The following OSBPL10 variants were observed in gnomAD, a reference collection of about 807,000 sequenced individuals.
OSBPL10 encodes the protein oxysterol-binding protein-related protein 10.
A neutral mutation model predicts 81.7 loss-of-function variants in OSBPL10; 49 were observed. That is an observed-to-expected ratio of 0.60 (90% CI 0.48 to 0.76). OSBPL10 has a LOEUF of 0.76. Among genes scored for constraint, OSBPL10 ranks in the 30% least tolerant of loss-of-function variants. The pLI is 0.00. For synonymous variants in OSBPL10, 419 were observed against 383.6 expected (o/e 1.09, Z -1.08); for missense variants, 923 against 987.8 (o/e 0.93, Z 0.88).
At chr3:31,760,118 G>C (rs1239971178) in intron 4 of OSBPL10, among the ~76,000 whole-genome samples, 1 of 152,196 alleles carries the variant, frequency 6.6e-6, no homozygotes, top group Non-Finnish European at 1.5e-5. Flanking sequence ...TATTCATTAA[G>C]TGGAAGTGAA....
chr3:31,750,392 A>G (rs1358817141), intron 4 of OSBPL10, among the ~76,000 whole-genome samples: 2 of 152,214 alleles, frequency 1.3e-5, no homozygotes, highest in Non-Finnish European at 2.9e-5. Context: ...TACCTATTGA[A>G]TGAATGAATC....
At chr3:31,965,782 A>T (rs1217649589) in intron 1 of OSBPL10, among the ~76,000 whole-genome samples, 1 of 56,756 alleles carries the variant, frequency 1.8e-5, no homozygotes, top group African/African-American at 7.5e-5. Context: ...TATATTATAT[A>T]AATAGATAAG....
At chr3:31,725,282 T>C (rs936424283) in intron 6 of OSBPL10, among the ~76,000 whole-genome samples, 5 of 152,224 alleles carry the variant, frequency 3.3e-5, no homozygotes, top group Non-Finnish European at 7.3e-5. Flanking sequence ...GGGAGCAGTA[T>C]ATTTTTAAGC....
At chr3:31,846,567 G>A (rs1024485182) in intron 3 of OSBPL10, among the ~76,000 whole-genome samples, 1 of 152,026 alleles carries the variant, frequency 6.6e-6, no homozygotes, top group African/African-American at 2.4e-5. Flanking sequence ...GGGAGGCGGA[G>A]GTTGCAGTGA....
intron 3 of OSBPL10, among the ~76,000 whole-genome samples, chr3:31,869,734 T>A (rs1164950537): frequency 2.6e-5 from 4 of 152,218 alleles, no homozygotes; most frequent in Non-Finnish European, 5.9e-5. Context: ...TTAACAGTTG[T>A]GTAACTTTCA....
chr3:32,007,016 C>T (rs1259668125), intron 2 of OSBPL10, among the ~76,000 whole-genome samples: 1 of 152,176 alleles, frequency 6.6e-6, no homozygotes, highest in African/African-American at 2.4e-5. Context: ...AATCCTCCCA[C>T]CTCATCCTCC....
At chr3:31,669,135 AAAT>A (rs1700266273) in intron 9 of OSBPL10, among the ~76,000 whole-genome samples, 1 of 152,184 alleles carries the variant, frequency 6.6e-6, no homozygotes, top group Non-Finnish European at 1.5e-5. Flanking sequence ...ATTCAAGAAA[AAAT>A]AAGTGGGAAG....
At chr3:31,871,201 C>G (rs1001601689) in intron 3 of OSBPL10, among the ~76,000 whole-genome samples, 2 of 152,204 alleles carry the variant, frequency 1.3e-5, no homozygotes, top group African/African-American at 2.4e-5. Context: ...TGGGTCCACA[C>G]TGCTTTTATG....
intron 1 of OSBPL10, among the ~76,000 whole-genome samples, chr3:31,975,827 C>A (rs1203892309): frequency 6.6e-6 from 1 of 152,198 alleles, no homozygotes; most frequent in East Asian, 1.9e-4. Flanking sequence ...AATACTTACT[C>A]TACCCTTACT....
intron 1 of OSBPL10, among the ~76,000 whole-genome samples, chr3:31,967,003 G>A (rs753417094): frequency 7.3e-5 from 11 of 151,552 alleles, no homozygotes; most frequent in Non-Finnish European, 1.0e-4. Context: ...GACAATCTCT[G>A]AGGGGATTTT....
intron 2 of OSBPL10, among the ~76,000 whole-genome samples, chr3:32,027,783 T>C (rs983660128): frequency 6.6e-6 from 1 of 152,190 alleles, no homozygotes; most frequent in South Asian, 2.1e-4. Flanking sequence ...TGCACATCAC[T>C]GTGCCCAGGT....
chr3:31,990,364 A>G lies in OSBPL10; in HGVS notation n.298+56127T>C, dbSNP rs1241641686. On this transcript the variant is annotated intron_variant and non_coding_transcript_variant, in intron 2 of 3. Transcript: ENST00000479173. ...TAATGAAGAGAGATCTTACAAGTGT[A>G]ATAAATGTGGCAAATTTTTTAGACG... is the stretch of plus-strand genomic sequence containing the variant. 4 of 1,614,158 alleles carry G rather than the reference A, an allele frequency of 2.5e-6. No homozygotes were observed. The East Asian group carries it at 8.9e-5, about 36-fold the overall frequency.
chr3:32,025,552 T>A (rs944832572), intron 2 of OSBPL10, among the ~76,000 whole-genome samples: 1 of 152,196 alleles, frequency 6.6e-6, no homozygotes, highest in Non-Finnish European at 1.5e-5. Context: ...CCTCCTCTAT[T>A]TTCTGAAAGA....
chr3:31,879,455 T>A lies in OSBPL10; in HGVS notation c.457+200A>T, dbSNP rs1295624067. The A allele has an allele frequency of 2.8e-5, 16 of 566,762 alleles. No individual in the cohort carries two copies. The East Asian group carries it at 4.0e-4, about 14-fold the overall frequency. The allele number at this position is 566,762 out of a possible 1,614,324, so 35.1% of individuals were successfully genotyped here. Reference sequence around the variant, plus strand: ...CTTTCCTTTGTCCTTAATTCCTCAGTTAATTAGGACAAGTAATTCCTAATG... The same window carrying A: ...CTTTCCTTTGTCCTTAATTCCTCAGATAATTAGGACAAGTAATTCCTAATG... On this transcript the variant is annotated intron_variant, in intron 2 of 11. Transcript: ENST00000396556.
chr3:32,040,800 G>GCA (rs1699567578), intron 2 of OSBPL10, among the ~76,000 whole-genome samples: 1 of 152,196 alleles, frequency 6.6e-6, no homozygotes, highest in Admixed American at 6.5e-5. Flanking sequence ...TGGTGCCACT[G>GCA]CACTCCAGCC....
intron 2 of OSBPL10, among the ~76,000 whole-genome samples, chr3:31,999,058 A>G (rs1699119099): frequency 6.6e-6 from 1 of 152,226 alleles, no homozygotes; most frequent in African/African-American, 2.4e-5. Flanking sequence ...AGACAGTAAT[A>G]ATCTCCTGAA....
intron 2 of OSBPL10, chr3:32,037,466 A>G (rs1432992264): frequency 5.7e-6 from 1 of 174,106 alleles, no homozygotes; most frequent in Non-Finnish European, 1.2e-5. Flanking sequence ...ACTGGGCAAC[A>G]TAGCAAGACC....
At chr3:31,790,554 T>A (rs9876240) in intron 4 of OSBPL10, among the ~76,000 whole-genome samples, 4,793 of 152,254 alleles carry the variant, frequency 0.031, 271 homozygotes, top group African/African-American at 0.11. Context: ...GGGAAAAAGA[T>A]GAAGGGCAAA....
intron 4 of OSBPL10, among the ~76,000 whole-genome samples, chr3:31,828,828 C>A (rs115888796): frequency 6.6e-6 from 1 of 152,196 alleles, no homozygotes; most frequent in Non-Finnish European, 1.5e-5. Flanking sequence ...CCACCAGGCC[C>A]GGCCCAGTTT....
Sources: allele counts gnomAD v4.1 joint callset (sites outside exome capture counted in the v4.1 genomes callset), GRCh38; gene constraint gnomAD v4.1.1; transcripts MANE v1.5; gene names NCBI Gene and HGNC (gene_info 2026-07-23, HGNC 2026-07-21).